Variants in PRRC2B observed in about 807,000 individuals in gnomAD.
PRRC2B encodes proline rich coiled-coil 2B.
A neutral mutation model predicts 242.3 loss-of-function variants in PRRC2B; 68 were observed. The observed-to-expected ratio is 0.28, with a 90% confidence interval of 0.23 to 0.34. The LOEUF (loss-of-function observed/expected upper bound fraction) is 0.34. PRRC2B is among the 10% of genes least tolerant of loss of function. The pLI, the probability that PRRC2B is intolerant of heterozygous loss-of-function variation, is 1.00. For synonymous variants in PRRC2B, 1,228 were observed against 1,173.6 expected (o/e 1.05, Z -0.95); for missense variants, 2,835 against 2,954.8 (o/e 0.96, Z 0.94).
chr9:131,451,350 G>A lies in PRRC2B; in HGVS notation c.1120+3546G>A, dbSNP rs192388909. Among the ~76,000 whole-genome samples, 295 of 152,134 alleles carry A rather than the reference G, an allele frequency of 1.9e-3. 1 individual carries two copies. The highest frequency in any genetic ancestry group is 6.8e-3 in the African/African-American group (281 of 41,484). ...GGAGGCGGAGGTTGCAATGAGCCAG[G>A]ATCGTGCCACTGCACTCCAGCCTGG... On this transcript the variant is annotated intron_variant, in intron 9 of 31. Coordinates refer to ENST00000683519, the MANE Select transcript of PRRC2B (RefSeq NM_013318.4).
Position 131,475,919 on chromosome 9 carries a change from G to C in PRRC2B, c.3790G>C (p.Asp1264His), listed in dbSNP as rs1453087838. ...TGTCCCAGATTCCTACAGACACCCTGACGCATTTGGTGGCCGGGGCTTTGA... is the reference window on the plus strand; with the variant it reads ...TGTCCCAGATTCCTACAGACACCCTCACGCATTTGGTGGCCGGGGCTTTGA... ...DYVPDSYRHP[D>H]AFGGRGFEDS... is the part of the protein sequence containing the mutation. Residue 1264 changes from aspartate (D) to histidine (H), a missense_variant, in exon 16 of 32, where the codon GAC (aspartate) becomes CAC (histidine). Physicochemically the swap from Asp to His is moderately conservative, Grantham distance 81. Around this residue, in one of 7 missense-constraint regions of PRRC2B, gnomAD observed 1,536 missense variants for 1,483.1 expected, o/e 1.04. Coordinates refer to ENST00000683519, the MANE Select transcript of PRRC2B (RefSeq NM_013318.4). 2.5e-6 allele frequency: 4 copies of C among 1,613,790 alleles called. No individual in the cohort carries two copies. The African/African-American group carries it at 5.3e-5, about 22-fold the overall frequency.
At position 131,487,685 on chromosome 9, in the gene PRRC2B, G is replaced by A. The variant is rs1322058235; in HGVS notation, c.5985-171G>A. On this transcript the variant is annotated intron_variant, in intron 27 of 31. Coordinates refer to ENST00000683519, the MANE Select transcript of PRRC2B (RefSeq NM_013318.4). The surrounding 1 kb of genome is among the most constrained non-coding windows in gnomAD (Gnocchi z 5.3). ...ACTTGTTTAATCCAGCAGCATCAGC[G>A]CCATCTAGGAGCTTGTTCTCAGGCC... is the stretch of plus-strand genomic sequence containing the variant. Among the ~76,000 whole-genome samples, 1 of 152,100 alleles carries A rather than the reference G, an allele frequency of 6.6e-6. No individual in the cohort carries two copies. Among genetic ancestry groups the A allele is most frequent in the Non-Finnish European group, 1.5e-5 (1 of 67,996 alleles).
intron 10 of PRRC2B, among the ~76,000 whole-genome samples, chr9:131,456,650 T>A (rs556269822): frequency 6.7e-5 from 10 of 149,776 alleles, no homozygotes; most frequent in African/African-American, 1.2e-4. Context: ...AAAAAAAAAA[T>A]ACCCCACAAT....
rs1416833942 is a variant in PRRC2B, at chr9:131,394,127, C to T, written c.-188C>T. ...CTCCACCGCGCAGCGACGAGCGAGC[C>T]CGGGAGGAGGGAGGGAGCGAGCGAG... On this transcript the variant is annotated 5_prime_UTR_variant, in exon 1 of 32. Transcript: ENST00000683519. 1 of 149,052 alleles carries T rather than the reference C, an allele frequency of 6.7e-6. No individual in the cohort carries two copies. Among genetic ancestry groups the T allele is most frequent in the Non-Finnish European group, 1.5e-5 (1 of 66,448 alleles). 9.2% of individuals were successfully genotyped at this position (149,052 alleles called of 1,614,324 possible).
At chr9:131,445,412 G>C (rs952526233) in intron 6 of PRRC2B, among the ~76,000 whole-genome samples, 1 of 152,314 alleles carries the variant, frequency 6.6e-6, no homozygotes, top group East Asian at 1.9e-4. Context: ...GCCTGTCTCA[G>C]CCTCCCAAAG....
chr9:131,472,631 C>G (rs112024653), intron 14 of PRRC2B, among the ~76,000 whole-genome samples: 438 of 152,176 alleles, frequency 2.9e-3, no homozygotes, highest in Non-Finnish European at 4.7e-3. Flanking sequence ...CACCTGCCAC[C>G]ATGCCTGGCT....
At chr9:131,436,997 C>T (rs1304795232) in intron 4 of PRRC2B, among the ~76,000 whole-genome samples, 1 of 152,150 alleles carries the variant, frequency 6.6e-6, no homozygotes, top group Non-Finnish European at 1.5e-5. Flanking sequence ...TACCGTGAGG[C>T]AGGGTCACTC....
rs745554470 is a variant in PRRC2B at position 131,476,210 on chromosome 9, C to T, written c.4081C>T (p.Leu1361Phe). The T allele has an allele frequency of 1.8e-5, 29 of 1,613,408 alleles. No homozygotes were observed. Among genetic ancestry groups the T allele is most frequent in the Non-Finnish European group, 2.4e-5 (28 of 1,179,818 alleles). The change falls in exon 16 of 32, where the codon CTC becomes TTC. Residue 1361 changes from leucine to phenylalanine, a missense_variant. By Grantham distance (22) the Leu-to-Phe change is conservative (BLOSUM62 0). Around this residue, in one of 7 missense-constraint regions of PRRC2B, gnomAD observed 1,536 missense variants for 1,483.1 expected, o/e 1.04. Transcript: ENST00000683519. ...CACTGTGGGCCGCAGGTCCCCTGAG[C>T]TCTCCTACCAGAACTCCTCCGATCA... The part of the protein sequence containing the change: ...SGTVGRRSPE[L>F]SYQNSSDHAN...
chr9:131,427,531 C>T (rs56969251), intron 1 of PRRC2B, among the ~76,000 whole-genome samples: 8,917 of 152,168 alleles, frequency 0.059, 344 homozygotes, highest in Admixed American at 0.11. Context: ...GGGGTTTCAC[C>T]GTGTTAGCCG....
chr9:131,384,262 T>TTTTG (rs1836800619), intron 1 of PRRC2B, among the ~76,000 whole-genome samples: 1 of 136,230 alleles, frequency 7.3e-6, no homozygotes, highest in African/African-American at 2.7e-5. Flanking sequence ...CCTGGCTAAT[T>TTTTG]TTTGTATGTA....
chr9:131,448,611 G>A (rs1044447193), intron 9 of PRRC2B, among the ~76,000 whole-genome samples: 1 of 143,402 alleles, frequency 7.0e-6, no homozygotes, highest in South Asian at 2.2e-4. Context: ...ATTCTGGAGT[G>A]GAGTGGCTGT....
At position 131,491,437 on chromosome 9, in the gene PRRC2B, C is replaced by T. The variant is rs1944191481; in HGVS notation, c.6238C>T (p.Leu2080=). ...TGTCGCCCAGCAGCTGACCATGCCA[C>T]TGCCTCGGTACGGCTCCGGGCAGCA... ...DSQLPQLTMP[L]PRYGSGQQPL... Residue 2080 remains leucine, a synonymous_variant, in exon 29 of 32, where the codon CTG becomes TTG. Coordinates refer to ENST00000683519, the MANE Select transcript of PRRC2B (RefSeq NM_013318.4). The T allele has an allele frequency of 6.2e-7, 1 of 1,602,860 alleles. No homozygotes were observed. Among genetic ancestry groups the T allele is most frequent in the Non-Finnish European group, 8.5e-7 (1 of 1,174,956 alleles).
In PRRC2B at chr9:131,491,439, G is replaced by A; in HGVS notation, c.6240G>A (p.Leu2080=). 2 of 1,603,992 alleles carry A rather than the reference G, an allele frequency of 1.2e-6. No individual in the cohort carries two copies. The highest frequency in any genetic ancestry group is 1.3e-5 in the African/African-American group (1 of 74,730). The change falls in exon 29 of 32, where the codon CTG becomes CTA. Residue 2080 remains leucine (L), a synonymous_variant. Transcript: ENST00000683519. Reference sequence around the variant, plus strand: ...TCGCCCAGCAGCTGACCATGCCACTGCCTCGGTACGGCTCCGGGCAGCAGC... The same window carrying A: ...TCGCCCAGCAGCTGACCATGCCACTACCTCGGTACGGCTCCGGGCAGCAGC... The part of the protein sequence containing the change: ...DSQLPQLTMP[L]PRYGSGQQPL...
At position 131,408,232 on chromosome 9, in the gene PRRC2B, G is replaced by A. The variant is rs538449172; in HGVS notation, c.-52+13969G>A. Among the ~76,000 whole-genome samples the A allele has an allele frequency of 2.6e-4, 39 of 152,314 alleles. 1 individual carries two copies. The highest frequency in any genetic ancestry group is 8.9e-4 in the African/African-American group (37 of 41,572). ...TCGGGCCTTGCTGGTTACTCTGTGCGGGGTTACAGGTCTCAACTCTTTTCT... is the reference window on the plus strand; with the variant it reads ...TCGGGCCTTGCTGGTTACTCTGTGCAGGGTTACAGGTCTCAACTCTTTTCT... On this transcript the variant is annotated intron_variant, in intron 1 of 31. Transcript: ENST00000683519.
intron 9 of PRRC2B, among the ~76,000 whole-genome samples, chr9:131,452,564 C>T (rs1942955250): frequency 6.6e-6 from 1 of 151,958 alleles, no homozygotes; most frequent in African/African-American, 2.4e-5. Context: ...GTAGTGATAT[C>T]TTTTAATTCC....
At position 131,455,131 on chromosome 9, in the gene PRRC2B, G is replaced by A. The variant is rs377527197; in HGVS notation, c.1176G>A (p.Glu392=). The part of the protein sequence containing the change: ...SEKLKFSDDE[E]EEEVVKDGRP... ...AACTGAAGTTCAGTGATGATGAAGAGGAGGAAGAAGTTGTGAAGGACGGCA... is the reference window on the plus strand; with the variant it reads ...AACTGAAGTTCAGTGATGATGAAGAAGAGGAAGAAGTTGTGAAGGACGGCA... Residue 392 remains glutamate, a synonymous_variant, in exon 10 of 32, where the codon GAG becomes GAA. Transcript: ENST00000683519. The A allele has an allele frequency of 6.2e-7, 1 of 1,613,754 alleles. No individual in the cohort carries two copies. Among genetic ancestry groups the A allele is most frequent in the Non-Finnish European group, 8.5e-7 (1 of 1,179,838 alleles).
chr9:131,376,714 G>A (rs1836690038), intron 1 of PRRC2B, among the ~76,000 whole-genome samples: 2 of 152,118 alleles, frequency 1.3e-5, no homozygotes, highest in South Asian at 4.1e-4. Context: ...ACTGCTGTGT[G>A]GGAGACAAAA....
chr9:131,432,441 A>G (rs925816062), intron 2 of PRRC2B, among the ~76,000 whole-genome samples, 176 bp from the exon 3 acceptor site: 2 of 152,220 alleles, frequency 1.3e-5, no homozygotes, highest in Non-Finnish European at 2.9e-5. Context: ...GAGCTTGTAA[A>G]GTGACTAAAG....
intron 9 of PRRC2B, 183 bp downstream of exon 9, chr9:131,447,987 C>A (rs550952918): frequency 2.0e-6 from 1 of 491,904 alleles, no homozygotes; most frequent in Non-Finnish European, 3.4e-6. Context: ...AGGTTCCTTC[C>A]TGGCCAAGCC....
Sources: allele counts gnomAD v4.1 joint callset (sites outside exome capture counted in the v4.1 genomes callset), GRCh38; gene constraint gnomAD v4.1.1; regional missense constraint gnomAD v4.1.1; non-coding constraint Gnocchi (gnomAD v3.1); transcripts MANE v1.5; gene names NCBI Gene and HGNC (gene_info 2026-07-23, HGNC 2026-07-21).